UVRAG: variants seen among roughly 807,000 people sequenced by gnomAD.
UVRAG encodes UV radiation resistance-associated gene protein.
UVRAG carries 19 observed loss-of-function variants against 78.0 expected under a neutral mutation model. The ratio of observed to expected loss-of-function variants is 0.24; its 90% CI spans 0.17 to 0.36. UVRAG has a LOEUF of 0.36. UVRAG is among the 10% of genes least tolerant of loss of function. The pLI, the probability that UVRAG is intolerant of heterozygous loss-of-function variation, is 1.00. For missense variants in UVRAG, 740 were observed against 853.8 expected (o/e 0.87, Z 1.66); for synonymous variants, 323 against 324.6 (o/e 1.00, Z 0.05).
chr11:76,083,622 A>G (rs187765174), intron 13 of UVRAG, among the ~76,000 whole-genome samples: 163 of 152,340 alleles, frequency 1.1e-3, no homozygotes, highest in Non-Finnish European at 1.9e-3. Flanking sequence ...TGGTCACTCT[A>G]TACAAAGTTT....
At chr11:76,011,393 G>A (rs1950047651) in intron 11 of UVRAG, among the ~76,000 whole-genome samples, 1 of 152,174 alleles carries the variant, frequency 6.6e-6, no homozygotes, top group African/African-American at 2.4e-5. Context: ...GGAGGCTGAA[G>A]TGTGCAGATC....
intron 13 of UVRAG, among the ~76,000 whole-genome samples, chr11:76,110,505 T>C (rs1031400780): frequency 6.6e-6 from 1 of 152,180 alleles, no homozygotes; most frequent in Non-Finnish European, 1.5e-5. Context: ...CTTCCTATAC[T>C]GTATTAATTT....
intron 6 of UVRAG, among the ~76,000 whole-genome samples, chr11:75,953,501 G>A (rs770458530): frequency 1.1e-4 from 16 of 152,028 alleles, no homozygotes; most frequent in African/African-American, 2.9e-4. Context: ...TCTGCAAGCC[G>A]TAGGGAACTA....
intron 1 of UVRAG, among the ~76,000 whole-genome samples, chr11:75,847,360 CA>C (rs1565343453): frequency 6.6e-6 from 1 of 152,060 alleles, no homozygotes; most frequent in East Asian, 1.9e-4. Flanking sequence ...CTCTTGACCT[CA>C]AATGATCCAC....
At chr11:76,021,846 G>T (rs1297156359) in intron 12 of UVRAG, among the ~76,000 whole-genome samples, 3 of 152,212 alleles carry the variant, frequency 2.0e-5, no homozygotes, top group Admixed American at 2.0e-4. Flanking sequence ...TTGAGGCCAG[G>T]AGTTTGAGAC....
At position 75,857,496 on chromosome 11, in the gene UVRAG, C is replaced by A. The variant is rs573315276; in HGVS notation, c.236-4250C>A. ...TTGCAGATCTTTCTTTTTCCCCCCC[C>A]CTTTTTTTTTTGAGATGGAGTCTCG... On this transcript the variant is annotated intron_variant, in intron 2 of 14. Coordinates refer to ENST00000356136, the MANE Select transcript of UVRAG (RefSeq NM_003369.4). Among the ~76,000 whole-genome samples, 10 of 151,636 alleles carry A rather than the reference C, an allele frequency of 6.6e-5. No individual in the cohort carries two copies. The East Asian group carries it at 1.2e-3, about 18-fold the overall frequency.
At chr11:76,064,788 A>G (rs1565145015) in intron 12 of UVRAG, among the ~76,000 whole-genome samples, 1 of 152,192 alleles carries the variant, frequency 6.6e-6, no homozygotes, top group Non-Finnish European at 1.5e-5. Context: ...ATTGAAATTA[A>G]GACTAGTAAT....
intron 5 of UVRAG, among the ~76,000 whole-genome samples, chr11:75,897,064 A>G (rs1303830306): frequency 2.0e-5 from 3 of 152,242 alleles, no homozygotes; most frequent in Non-Finnish European, 4.4e-5. Context: ...AAATTAGAGC[A>G]GGCATAGAAT....
chr11:75,961,585 G>A, intron 7 of UVRAG, 36 bp downstream of exon 7: 2 of 1,488,234 alleles, frequency 1.3e-6, no homozygotes, highest in Non-Finnish European at 1.8e-6. Context: ...TACACTTCTT[G>A]TTTTCTAAAG....
chr11:76,088,051 G>A (rs1951622876), intron 13 of UVRAG, among the ~76,000 whole-genome samples: 1 of 152,118 alleles, frequency 6.6e-6, no homozygotes, highest in South Asian at 2.1e-4. Flanking sequence ...ACAGGCATAT[G>A]CCACCACACC....
At chr11:75,937,917 T>G (rs1017507095) in intron 6 of UVRAG, among the ~76,000 whole-genome samples, 2 of 152,186 alleles carry the variant, frequency 1.3e-5, no homozygotes, top group African/African-American at 2.4e-5. Flanking sequence ...CTGATGCCTT[T>G]TATTTTGTTT....
chr11:76,121,069 T>C (rs963724068), intron 14 of UVRAG, among the ~76,000 whole-genome samples: 26 of 152,338 alleles, frequency 1.7e-4, no homozygotes, highest in Non-Finnish European at 8.8e-5. Flanking sequence ...TTCCTCCTTA[T>C]GGTAAGCTTC....
intron 1 of UVRAG, among the ~76,000 whole-genome samples, chr11:75,834,639 CCTGT>C (rs1945739694): frequency 6.6e-6 from 1 of 151,944 alleles, no homozygotes; most frequent in African/African-American, 2.4e-5. Flanking sequence ...ATGGTGAAAC[CCTGT>C]CTGTACTAAA....
chr11:75,998,459 C>A (rs1374184371), intron 8 of UVRAG, among the ~76,000 whole-genome samples: 7 of 152,158 alleles, frequency 4.6e-5, no homozygotes, highest in African/African-American at 7.2e-5. Context: ...TTCCTTCCAG[C>A]CTCTGCCTAA....
At chr11:75,876,699 A>AG (rs1946788999) in intron 3 of UVRAG, among the ~76,000 whole-genome samples, 1 of 150,946 alleles carries the variant, frequency 6.6e-6, no homozygotes. Flanking sequence ...GGTCAGGAAA[A>AG]AAAAAAAAAC....
intron 7 of UVRAG, among the ~76,000 whole-genome samples, chr11:75,969,646 T>A (rs1204698509): frequency 6.6e-6 from 1 of 152,210 alleles, no homozygotes; most frequent in South Asian, 2.1e-4. Context: ...TAATAATGAT[T>A]GGAAATAAGT....
intron 1 of UVRAG, among the ~76,000 whole-genome samples, chr11:75,825,870 C>T (rs1379630638): frequency 6.6e-6 from 1 of 151,184 alleles, no homozygotes; most frequent in Non-Finnish European, 1.5e-5. Context: ...GAGTTTTGCT[C>T]TTGTCACCCA....
At chr11:75,832,084 A>G (rs1286834695) in intron 1 of UVRAG, among the ~76,000 whole-genome samples, 1 of 152,210 alleles carries the variant, frequency 6.6e-6, no homozygotes, top group African/African-American at 2.4e-5. Context: ...ATTAAGTCAA[A>G]CCGTCCTAAG....
At chr11:75,927,969 G>A (rs528745841) in intron 6 of UVRAG, among the ~76,000 whole-genome samples, 44 of 152,250 alleles carry the variant, frequency 2.9e-4, no homozygotes, top group African/African-American at 1.1e-3. Flanking sequence ...AGGCTTGGTG[G>A]CACATGCCTG....
Sources: allele counts gnomAD v4.1 joint callset (sites outside exome capture counted in the v4.1 genomes callset), GRCh38; gene constraint gnomAD v4.1.1; transcripts MANE v1.5; gene names NCBI Gene and HGNC (gene_info 2026-07-23, HGNC 2026-07-21).